The following DBNL variants were observed in gnomAD, a reference collection of about 807,000 sequenced individuals.
The protein encoded by DBNL is drebrin-like protein.
DBNL carries 35 observed loss-of-function variants against 62.2 expected under a neutral mutation model. The ratio of observed to expected loss-of-function variants is 0.56; its 90% CI spans 0.43 to 0.75. The LOEUF is 0.75. Ranked by LOEUF, DBNL falls within the 30% of genes least tolerant of loss-of-function variation. The pLI, the probability that DBNL is intolerant of heterozygous loss-of-function variation, is 0.00. For synonymous variants in DBNL, 197 were observed against 218.0 expected (o/e 0.90, Z 0.85); for missense variants, 495 against 578.4 (o/e 0.86, Z 1.48).
In DBNL at chr7:44,065,714, A is replaced by G. The variant is rs2096158817; in HGVS notation, c.*4798A>G. ...GGGGGCCAGGGGAGTGTGCAGGCCA[A>G]GAGGCTGTGCTTAAAATAGCCCCAC... On this transcript the variant is annotated 3_prime_UTR_variant, in exon 13 of 13. Transcript: ENST00000448521. 1 of 643,598 alleles carries G rather than the reference A, an allele frequency of 1.6e-6. No homozygotes were observed. The highest frequency in any genetic ancestry group is 1.8e-5 in the African/African-American group (1 of 55,510). 39.9% of individuals were successfully genotyped at this position (643,598 alleles called of 1,614,324 possible). A position where few individuals can be genotyped will look rare whatever the true frequency, so the allele number is the denominator to read the frequency against.
chr7:44,064,555 G>A lies in DBNL; in HGVS notation c.*3639G>A. The A allele has an allele frequency of 5.9e-6, 3 of 505,316 alleles. No individual in the cohort carries two copies. In the South Asian group the frequency reaches 6.3e-5, roughly 11 times the overall value. The allele number at this position is 505,316 out of a possible 1,614,324, so 31.3% of individuals were successfully genotyped here. On this transcript the variant is annotated 3_prime_UTR_variant, in exon 13 of 13. Transcript: ENST00000448521. Reference sequence around the variant, plus strand: ...CCCAGCCCTTCCGTTTCCTAGCTGGGTGTCCCTTGGCAGATGCCACCTTTG... The same window carrying A: ...CCCAGCCCTTCCGTTTCCTAGCTGGATGTCCCTTGGCAGATGCCACCTTTG...
In DBNL at chr7:44,061,648, T is replaced by A. The variant is rs533839657; in HGVS notation, c.*732T>A. On this transcript the variant is annotated 3_prime_UTR_variant, in exon 13 of 13. Transcript: ENST00000448521. ...GTAACACAGAGTGGCCTTGGCCTGT[T>A]GTCTTCCCCTATTTTCTGTCCCAGC... The A allele has an allele frequency of 6.5e-6, 1 of 152,694 alleles. No individual in the cohort carries two copies. Among genetic ancestry groups the A allele is most frequent in the East Asian group, 1.9e-4 (1 of 5,190 alleles). 9.5% of individuals were successfully genotyped at this position (152,694 alleles called of 1,614,324 possible).
At chr7:44,049,793 C>G (rs769179664) in intron 1 of DBNL, 1 of 160,696 alleles carries the variant, frequency 6.2e-6, no homozygotes, top group South Asian at 1.6e-4. Flanking sequence ...TGTATTTCTC[C>G]GACTTGCTTC....
chr7:44,060,102 GGGC>G lies in DBNL; in HGVS notation c.1103_1105del (p.Gly368_Leu369delinsVal). 1 of 1,613,698 alleles carries G rather than the reference GGGC, an allele frequency of 6.2e-7. No homozygotes were observed. The highest frequency in any genetic ancestry group is 8.5e-7 in the Non-Finnish European group (1 of 1,179,914). ...CATTGACCACCACATTCAGGGCCAG[GGGC>G]TCAGTGGGCAAGGGCTCTGTGCCCG... On this transcript the variant is annotated inframe_deletion, in exon 12 of 13. Coordinates refer to ENST00000448521, the MANE Select transcript of DBNL (RefSeq NM_001014436.3). This position sits in a 1 kb window ranked among gnomAD's most constrained non-coding sequence, Gnocchi z 6.3.
chr7:44,049,320 C>A (rs371916674), intron 1 of DBNL, among the ~76,000 whole-genome samples: 17 of 152,274 alleles, frequency 1.1e-4, no homozygotes, highest in African/African-American at 3.8e-4. Flanking sequence ...CCACGCCCAG[C>A]TGATTTTTTG....
chr7:44,062,607 C>T lies in DBNL; in HGVS notation c.*1691C>T. 2 of 727,696 alleles carry T rather than the reference C, an allele frequency of 2.7e-6. No homozygotes were observed. The highest frequency in any genetic ancestry group is 4.7e-6 in the Non-Finnish European group (2 of 427,572). The allele number at this position is 727,696 out of a possible 1,614,324, so 45.1% of individuals were successfully genotyped here. A position where few individuals can be genotyped will look rare whatever the true frequency, so the allele number is the denominator to read the frequency against. Reference sequence around the variant, plus strand: ...ATGACTAGGTGTGGGTACTAGGCTCCTGCCCCTGGTGACACACGTATGGAG... The same window carrying T: ...ATGACTAGGTGTGGGTACTAGGCTCTTGCCCCTGGTGACACACGTATGGAG... On this transcript the variant is annotated 3_prime_UTR_variant, in exon 13 of 13. Transcript: ENST00000448521.
At chr7:44,050,066 C>A in intron 1 of DBNL, 159 bp from the exon 2 acceptor site, 2 of 689,650 alleles carry the variant, frequency 2.9e-6, no homozygotes, top group East Asian at 3.0e-5. Flanking sequence ...TGAGAACCTG[C>A]CTAGTGGGTC....
Position 44,061,409 on chromosome 7 carries a change from T to C in DBNL, c.*493T>C, listed in dbSNP as rs1045592878. The stretch of plus-strand genomic sequence containing the variant: ...CAAAGTCAGAGTGGATCATGGTGGT[T>C]TGGCAGCAGGGAATTTGTCTTGTTG... On this transcript the variant is annotated 3_prime_UTR_variant, in exon 13 of 13. Coordinates refer to ENST00000448521, the MANE Select transcript of DBNL (RefSeq NM_001014436.3). 1 of 158,530 alleles carries C rather than the reference T, an allele frequency of 6.3e-6. No homozygotes were observed. Among genetic ancestry groups the C allele is most frequent in the Non-Finnish European group, 1.4e-5 (1 of 71,218 alleles). The allele number at this position is 158,530 out of a possible 1,614,324, so 9.8% of individuals were successfully genotyped here. A position where few individuals can be genotyped will look rare whatever the true frequency, so the allele number is the denominator to read the frequency against.
At position 44,064,793 on chromosome 7, in the gene DBNL, G is replaced by GGCCCCCCCCCCCCCCCCCCCCCC; in HGVS notation, c.*3877_*3878insGCCCCCCCCCCCCCCCCCCCCCC. 5 of 1,136,968 alleles carry GGCCCCCCCCCCCCCCCCCCCCCC rather than the reference G, an allele frequency of 4.4e-6. No homozygotes were observed. Among genetic ancestry groups the GGCCCCCCCCCCCCCCCCCCCCCC allele is most frequent in the East Asian group, 2.5e-5 (1 of 40,040 alleles). The allele number at this position is 1,136,968 out of a possible 1,614,324, so 70.4% of individuals were successfully genotyped here. Reference sequence around the variant, plus strand: ...AGATGAGAAGCCAGCTGGGGCTGCTGCCCACCCACCCTGCCCAGGCTCCTG... The same window carrying GGCCCCCCCCCCCCCCCCCCCCCC: ...AGATGAGAAGCCAGCTGGGGCTGCTGGCCCCCCCCCCCCCCCCCCCCCCCCCACCCACCCTGCCCAGGCTCCTG... On this transcript the variant is annotated 3_prime_UTR_variant, in exon 13 of 13. Coordinates refer to ENST00000448521, the MANE Select transcript of DBNL (RefSeq NM_001014436.3).
chr7:44,051,602 G>A, intron 2 of DBNL: 1 of 376,020 alleles, frequency 2.7e-6, no homozygotes. Flanking sequence ...AATTACCTGA[G>A]GTACTTGTCA....
At position 44,063,482 on chromosome 7, in the gene DBNL, G is replaced by A; in HGVS notation, c.*2566G>A. On this transcript the variant is annotated 3_prime_UTR_variant, in exon 13 of 13. Coordinates refer to ENST00000448521, the MANE Select transcript of DBNL (RefSeq NM_001014436.3). Reference sequence around the variant, plus strand: ...TTTTAGTAGAAACGGGTTTTACCATGTTGGTCAGGCTGGTCTCAAACTCCT... The same window carrying A: ...TTTTAGTAGAAACGGGTTTTACCATATTGGTCAGGCTGGTCTCAAACTCCT... 1 of 186,394 alleles carries A rather than the reference G, an allele frequency of 5.4e-6. No homozygotes were observed. Among genetic ancestry groups the A allele is most frequent in the Admixed American group, 5.3e-5 (1 of 18,746 alleles). The allele number at this position is 186,394 out of a possible 1,614,324, so 11.5% of individuals were successfully genotyped here.
Position 44,044,811 on chromosome 7 carries a change from C to T in DBNL, c.74C>T (p.Pro25Leu). ...GTGCGGGTGGTCACCGAGAAGTCCC[C>T]GACCGACTGGTGGGCGGCGAGACGG... is the stretch of plus-strand genomic sequence containing the variant. ...AYVRVVTEKS[P>L]TDWALFTYEG... Residue 25 changes from proline to leucine, a missense_variant, in exon 1 of 13, where the codon CCG becomes CTG. Pro to Leu is a moderately conservative substitution (Grantham distance 98, BLOSUM62 -3). Coordinates refer to ENST00000448521, the MANE Select transcript of DBNL (RefSeq NM_001014436.3). The T allele has an allele frequency of 6.7e-7, 1 of 1,482,532 alleles. No homozygotes were observed. The allele number at this position is 1,482,532 out of a possible 1,614,324, so 91.8% of individuals were successfully genotyped here.
chr7:44,065,047 G>A lies in DBNL; in HGVS notation c.*4131G>A. The A allele has an allele frequency of 6.2e-7, 1 of 1,608,714 alleles. No homozygotes were observed. The highest frequency in any genetic ancestry group is 1.7e-5 in the Admixed American group (1 of 59,938). ...ACAGGCACGCTGCTTTCCCTCCCAA[G>A]CCAGTGGGCCCCCACCCGACTCCCC... On this transcript the variant is annotated 3_prime_UTR_variant, in exon 13 of 13. Transcript: ENST00000448521.
chr7:44,058,657 C>T (rs1055985574), intron 8 of DBNL, 177 bp downstream of exon 8: 8 of 960,312 alleles, frequency 8.3e-6, no homozygotes, highest in Admixed American at 2.6e-5. Flanking sequence ...AAGGCGGAAG[C>T]GTCGGGCTTG....
intron 1 of DBNL, among the ~76,000 whole-genome samples, chr7:44,047,041 C>G (rs1039264738): frequency 6.6e-6 from 1 of 152,230 alleles, no homozygotes; most frequent in African/African-American, 2.4e-5. Context: ...CCAGCCTTCA[C>G]TTCTTGGCCC....
rs1312291724 is a variant in DBNL at position 44,063,933 on chromosome 7, C to T, written c.*3017C>T. 1 of 152,014 alleles carries T rather than the reference C, an allele frequency of 6.6e-6. No homozygotes were observed. The highest frequency in any genetic ancestry group is 1.9e-4 in the East Asian group (1 of 5,196). 9.4% of individuals were successfully genotyped at this position (152,014 alleles called of 1,614,324 possible). A position where few individuals can be genotyped will look rare whatever the true frequency, so the allele number is the denominator to read the frequency against. On this transcript the variant is annotated 3_prime_UTR_variant, in exon 13 of 13. Coordinates refer to ENST00000448521, the MANE Select transcript of DBNL (RefSeq NM_001014436.3). ...AGGTGGTCCTTCCCTCTGCCTGGCC[C>T]CAGTGCCAGGTGCCAGGTGTCCGTG...
At chr7:44,057,733 C>T (rs1429084213) in intron 5 of DBNL, 49 bp from the exon 6 acceptor site, 2 of 1,609,624 alleles carry the variant, frequency 1.2e-6, no homozygotes, top group Non-Finnish European at 1.7e-6. Flanking sequence ...GCCTGTGGGC[C>T]TGGCCTTCCA....
At chr7:44,047,842 A>C (rs1278052356) in intron 1 of DBNL, among the ~76,000 whole-genome samples, 1 of 149,190 alleles carries the variant, frequency 6.7e-6, no homozygotes, top group African/African-American at 2.5e-5. Context: ...TGGGGTAGAG[A>C]GGGATCAAGT....
intron 1 of DBNL, among the ~76,000 whole-genome samples, chr7:44,045,168 C>T (rs937509767): frequency 6.6e-6 from 1 of 152,218 alleles, no homozygotes; most frequent in Non-Finnish European, 1.5e-5. Flanking sequence ...TCTTTCCAGT[C>T]CTGGGACTTC....
Sources: gnomAD v4.1 joint callset for allele counts (sites outside exome capture counted in the v4.1 genomes callset) on GRCh38, gnomAD v4.1.1 for gene constraint, Gnocchi (gnomAD v3.1) non-coding constraint, MANE v1.5 for transcripts, NCBI Gene and HGNC (gene_info 2026-07-23, HGNC 2026-07-21) for gene names.